The following THSD7A variants were observed in gnomAD, a reference collection of about 807,000 sequenced individuals.
The protein encoded by THSD7A is thrombospondin type-1 domain-containing protein 7A.
THSD7A carries 96 observed loss-of-function variants against 231.3 expected under a neutral mutation model. The ratio of observed to expected loss-of-function variants is 0.41; its 90% CI spans 0.35 to 0.49. The LOEUF (loss-of-function observed/expected upper bound fraction) is 0.49, where lower values mean the gene tolerates loss of function less well. THSD7A is among the 20% of genes least tolerant of loss of function. THSD7A has a pLI of 0.05. For missense variants in THSD7A, 2,290 were observed against 2,070.2 expected (o/e 1.11, Z -2.06); for synonymous variants, 940 against 743.3 (o/e 1.26, Z -4.30).
intron 1 of THSD7A, among the ~76,000 whole-genome samples, chr7:11,680,276 A>G (rs997126902): frequency 6.6e-6 from 1 of 152,220 alleles, no homozygotes; most frequent in Non-Finnish European, 1.5e-5. Flanking sequence ...AATACCATTC[A>G]GTACATAGGC....
At chr7:11,747,135 A>T (rs542219663) in intron 1 of THSD7A, among the ~76,000 whole-genome samples, 4 of 152,002 alleles carry the variant, frequency 2.6e-5, no homozygotes, top group Non-Finnish European at 4.4e-5. Flanking sequence ...GGTTGCACTT[A>T]AAAGTGAGAA....
chr7:11,672,014 T>C (rs1026847024), intron 1 of THSD7A, among the ~76,000 whole-genome samples: 1 of 152,178 alleles, frequency 6.6e-6, no homozygotes, highest in Non-Finnish European at 1.5e-5. Flanking sequence ...TTAACTATTA[T>C]GAGAATGGCA....
At chr7:11,475,584 T>C (rs558007566) in intron 7 of THSD7A, among the ~76,000 whole-genome samples, 86 of 145,024 alleles carry the variant, frequency 5.9e-4, no homozygotes, top group Non-Finnish European at 9.8e-4. Flanking sequence ...ATATATAACA[T>C]ATATGTATAT....
intron 6 of THSD7A, among the ~76,000 whole-genome samples, chr7:11,496,591 T>C (rs367739004): frequency 5.6e-4 from 85 of 152,302 alleles, no homozygotes; most frequent in Non-Finnish European, 9.4e-4. Flanking sequence ...CACAGCATTG[T>C]GCTCAACTAT....
At chr7:11,483,510 G>A (rs1786515519) in intron 6 of THSD7A, among the ~76,000 whole-genome samples, 1 of 152,080 alleles carries the variant, frequency 6.6e-6, no homozygotes, top group Non-Finnish European at 1.5e-5. Flanking sequence ...TTTTATTGGT[G>A]TTGGGTTTTG....
intron 6 of THSD7A, among the ~76,000 whole-genome samples, chr7:11,491,475 T>C (rs1238508350): frequency 1.3e-5 from 2 of 152,102 alleles, no homozygotes; most frequent in Non-Finnish European, 2.9e-5. Context: ...TAAACAGCTA[T>C]ACACAGCTAC....
chr7:11,801,357 T>C (rs1221995755), intron 1 of THSD7A, among the ~76,000 whole-genome samples: 3 of 152,160 alleles, frequency 2.0e-5, no homozygotes, highest in African/African-American at 7.2e-5. Flanking sequence ...ACTACTCTTT[T>C]CTAAGGACCA....
intron 1 of THSD7A, among the ~76,000 whole-genome samples, chr7:11,779,754 T>C (rs2128174154): frequency 6.6e-6 from 1 of 152,338 alleles, no homozygotes; most frequent in South Asian, 2.1e-4. Context: ...GTATCTTTCC[T>C]TTTCAAGTCA....
intron 1 of THSD7A, among the ~76,000 whole-genome samples, chr7:11,639,075 C>T (rs1057452275): frequency 1.3e-5 from 2 of 152,106 alleles, no homozygotes; most frequent in Non-Finnish European, 1.5e-5. Context: ...CATATAAAGA[C>T]ATATTTATAT....
At position 11,597,367 on chromosome 7, in the gene THSD7A, A is replaced by C. The variant is rs567017407; in HGVS notation, c.1023-3865T>G. On this transcript the variant is annotated intron_variant, in intron 2 of 27. Coordinates refer to ENST00000423059, the MANE Select transcript of THSD7A (RefSeq NM_015204.3). ...CTCAACTGGTGTGTTAGTCTGGCCCATATACCGAGTGACCTGAAATACTGC... is the reference window on the plus strand; with the variant it reads ...CTCAACTGGTGTGTTAGTCTGGCCCCTATACCGAGTGACCTGAAATACTGC... 1.2e-4 allele frequency among the ~76,000 whole-genome samples: 18 copies of C among 152,324 alleles called. 1 individual carries two copies. The highest frequency in any genetic ancestry group is 5.8e-4 in the East Asian group (3 of 5,190).
chr7:11,820,308 G>C, intron 1 of THSD7A: 1 of 647,484 alleles, frequency 1.5e-6, no homozygotes, highest in Non-Finnish European at 2.3e-6. Flanking sequence ...ATTCCGTAAA[G>C]AGTGGACCCT....
At chr7:11,706,149 T>C (rs1461838983) in intron 1 of THSD7A, among the ~76,000 whole-genome samples, 2 of 150,938 alleles carry the variant, frequency 1.3e-5, no homozygotes, top group East Asian at 3.9e-4. Flanking sequence ...CTCAATGTTG[T>C]AATGTCAGAC....
At chr7:11,400,078 G>A (rs567720294) in intron 23 of THSD7A, among the ~76,000 whole-genome samples, 28 of 149,350 alleles carry the variant, frequency 1.9e-4, no homozygotes, top group African/African-American at 3.7e-4. Flanking sequence ...ACCAAACACC[G>A]CATGTTCTCA....
At chr7:11,725,195 T>C (rs1781507539) in intron 1 of THSD7A, among the ~76,000 whole-genome samples, 1 of 152,000 alleles carries the variant, frequency 6.6e-6, no homozygotes, top group African/African-American at 2.4e-5. Context: ...AAACAATTAA[T>C]TAAAAGTAAA....
intron 1 of THSD7A, among the ~76,000 whole-genome samples, chr7:11,685,595 A>G (rs901619925): frequency 6.6e-6 from 1 of 151,984 alleles, no homozygotes; most frequent in Non-Finnish European, 1.5e-5. Context: ...GAAGATACAC[A>G]AGCAGCCAAC....
chr7:11,513,021 G>C (rs1370900919), intron 6 of THSD7A, among the ~76,000 whole-genome samples: 1 of 146,930 alleles, frequency 6.8e-6, no homozygotes, highest in Non-Finnish European at 1.5e-5. Flanking sequence ...ACCTGGATGA[G>C]ATTGGAGACT....
intron 1 of THSD7A, among the ~76,000 whole-genome samples, chr7:11,769,153 A>ATATATATATATATATTTTTTT: frequency 3.6e-5 from 1 of 27,662 alleles, no homozygotes; most frequent in African/African-American, 1.2e-4. Context: ...ATATATATAT[A>ATATATATATATATATTTTTTT]TTTTTTTTTT....
rs1293907669 is a variant in THSD7A at position 11,371,029 on chromosome 7, T to A, written c.*4765A>T. The A allele has an allele frequency of 6.6e-6, 1 of 152,138 alleles. No individual in the cohort carries two copies. Among genetic ancestry groups the A allele is most frequent in the African/African-American group, 2.4e-5 (1 of 41,452 alleles). 9.4% of individuals were successfully genotyped at this position (152,138 alleles called of 1,614,324 possible). A position where few individuals can be genotyped will look rare whatever the true frequency, so the allele number is the denominator to read the frequency against. ...ACAAGACTGACAATTATATTCTAAATAATATAGAGATTTTTGATCACTGAA... is the reference window on the plus strand; with the variant it reads ...ACAAGACTGACAATTATATTCTAAAAAATATAGAGATTTTTGATCACTGAA... On this transcript the variant is annotated 3_prime_UTR_variant, in exon 28 of 28. Coordinates refer to ENST00000423059, the MANE Select transcript of THSD7A (RefSeq NM_015204.3).
intron 1 of THSD7A, among the ~76,000 whole-genome samples, chr7:11,693,138 C>T (rs748009710): frequency 1.3e-4 from 19 of 151,306 alleles, no homozygotes; most frequent in Non-Finnish European, 2.7e-4. Context: ...TCAGGAAACA[C>T]CTTAAAGAGA....
Sources: gnomAD v4.1 joint callset for allele counts (sites outside exome capture counted in the v4.1 genomes callset) on GRCh38, gnomAD v4.1.1 for gene constraint, MANE v1.5 for transcripts, NCBI Gene and HGNC (gene_info 2026-07-23, HGNC 2026-07-21) for gene names.